The following CCDC192 variants were observed in gnomAD, a reference collection of about 807,000 sequenced individuals.
CCDC192 encodes coiled-coil domain containing 192.
chr5:127,827,662 C>A (rs928032743), intron 5 of CCDC192, among the ~76,000 whole-genome samples: 3 of 152,162 alleles, frequency 2.0e-5, no homozygotes, highest in African/African-American at 7.2e-5. Context: ...CAGCAGTTCT[C>A]CCCTGCCCAG....
At chr5:127,779,253 T>C (rs1756048946) in intron 3 of CCDC192, among the ~76,000 whole-genome samples, 1 of 152,170 alleles carries the variant, frequency 6.6e-6, no homozygotes, top group Non-Finnish European at 1.5e-5. Context: ...ATAGATACAT[T>C]TTATATGTGC....
intron 6 of CCDC192, among the ~76,000 whole-genome samples, chr5:127,882,540 G>A (rs920355453): frequency 3.3e-5 from 5 of 152,092 alleles, no homozygotes; most frequent in Admixed American, 1.3e-4. Context: ...ATAGTTGCAC[G>A]GTATTTTTAA....
chr5:127,770,681 G>A (rs183326572), intron 3 of CCDC192, among the ~76,000 whole-genome samples: 8 of 152,128 alleles, frequency 5.3e-5, no homozygotes, highest in African/African-American at 7.2e-5. Flanking sequence ...ATCCAGGAGC[G>A]AATGCACATA....
intron 6 of CCDC192, among the ~76,000 whole-genome samples, chr5:127,892,948 A>G (rs1171351802): frequency 1.3e-5 from 2 of 152,214 alleles, no homozygotes; most frequent in African/African-American, 4.8e-5. Flanking sequence ...GCAAGAGACA[A>G]GATTAATATT....
chr5:127,934,897 C>G, intron 6 of CCDC192, among the ~76,000 whole-genome samples: 1 of 152,090 alleles, frequency 6.6e-6, no homozygotes, highest in South Asian at 2.1e-4. Flanking sequence ...CAAAACCAGC[C>G]CCATAGTGAG....
At chr5:127,747,376 G>A (rs1350497359) in intron 2 of CCDC192, among the ~76,000 whole-genome samples, 3 of 151,862 alleles carry the variant, frequency 2.0e-5, no homozygotes. Flanking sequence ...TTGTCCTTGT[G>A]ATAGTTTACT....
At chr5:127,902,355 T>G (rs1753060248) in intron 6 of CCDC192, among the ~76,000 whole-genome samples, 1 of 149,918 alleles carries the variant, frequency 6.7e-6, no homozygotes, top group Admixed American at 6.7e-5. Flanking sequence ...CTATAAAAGT[T>G]TTTTTTTTTT....
intron 2 of CCDC192, among the ~76,000 whole-genome samples, chr5:127,747,272 A>G (rs1027498741): frequency 6.6e-6 from 1 of 151,648 alleles, no homozygotes; most frequent in Non-Finnish European, 1.5e-5. Flanking sequence ...CCACCCCGCA[A>G]CAGTCCCCAG....
chr5:127,915,519 C>T (rs1294046380), intron 6 of CCDC192, among the ~76,000 whole-genome samples: 2 of 152,162 alleles, frequency 1.3e-5, no homozygotes, highest in Admixed American at 6.5e-5. Flanking sequence ...GTAGCTGGGA[C>T]TACAGGCACG....
At position 127,906,480 on chromosome 5, in the gene CCDC192, A is replaced by C. The variant is rs149924041; in HGVS notation, c.535+30819A>C. ...TGTTGTGAATAATATTGTTATGAGC[A>C]CAGGTGTACAAACATCTATTTGAGG... On this transcript the variant is annotated intron_variant, in intron 6 of 6. Coordinates refer to ENST00000514853, the MANE Select transcript of CCDC192 (RefSeq NM_001317938.2). Among the ~76,000 whole-genome samples the C allele has an allele frequency of 5.0e-3, 761 of 152,304 alleles. 4 individuals carry two copies. Among genetic ancestry groups the C allele is most frequent in the Non-Finnish European group, 8.7e-3 (590 of 68,028 alleles).
At chr5:127,800,474 T>A (rs2126977460) in intron 5 of CCDC192, among the ~76,000 whole-genome samples, 1 of 149,614 alleles carries the variant, frequency 6.7e-6, no homozygotes, top group Middle Eastern at 3.6e-3. Flanking sequence ...GAGTTATCCA[T>A]GTACAAACAA....
chr5:127,766,431 CA>C (rs1218376924), intron 3 of CCDC192, among the ~76,000 whole-genome samples: 10 of 151,816 alleles, frequency 6.6e-5, no homozygotes, highest in Non-Finnish European at 1.3e-4. Flanking sequence ...GTAAACAAAA[CA>C]AAACAAAAAC....
At chr5:127,854,732 C>A (rs535439406) in intron 5 of CCDC192, among the ~76,000 whole-genome samples, 1 of 152,238 alleles carries the variant, frequency 6.6e-6, no homozygotes, top group African/African-American at 2.4e-5. Context: ...CATACCACCA[C>A]AGTAAAGTAA....
intron 2 of CCDC192, among the ~76,000 whole-genome samples, chr5:127,712,461 A>T (rs1170563184): frequency 6.6e-6 from 1 of 152,208 alleles, no homozygotes; most frequent in Non-Finnish European, 1.5e-5. Flanking sequence ...TCACCCTGTG[A>T]TATCTGCACA....
chr5:127,747,560 T>C (rs1249966264), intron 2 of CCDC192, among the ~76,000 whole-genome samples: 1 of 151,928 alleles, frequency 6.6e-6, no homozygotes, highest in Non-Finnish European at 1.5e-5. Context: ...AATGCCGCAA[T>C]AAACATACGT....
intron 6 of CCDC192, among the ~76,000 whole-genome samples, chr5:127,885,096 T>A (rs151859): frequency 6.6e-6 from 1 of 151,350 alleles, no homozygotes; most frequent in African/African-American, 2.4e-5. Flanking sequence ...TCCTTAGGAA[T>A]GGTACTTTTT....
intron 5 of CCDC192, among the ~76,000 whole-genome samples, chr5:127,864,943 T>G (rs887638412): frequency 6.6e-6 from 1 of 152,056 alleles, no homozygotes; most frequent in Non-Finnish European, 1.5e-5. Flanking sequence ...GTCAGGAGAT[T>G]GAGGCCATCC....
At chr5:127,883,884 C>T (rs1489873042) in intron 6 of CCDC192, among the ~76,000 whole-genome samples, 1 of 152,134 alleles carries the variant, frequency 6.6e-6, no homozygotes, top group Non-Finnish European at 1.5e-5. Flanking sequence ...GATGTATGAG[C>T]CGCTCAGGCT....
At chr5:127,780,808 G>C (rs1305748439) in intron 3 of CCDC192, among the ~76,000 whole-genome samples, 1 of 152,106 alleles carries the variant, frequency 6.6e-6, no homozygotes, top group Non-Finnish European at 1.5e-5. Context: ...CTTTTGCCAT[G>C]CAAAAGCTCT....
Sources: allele counts gnomAD v4.1 joint callset (sites outside exome capture counted in the v4.1 genomes callset), GRCh38; gene constraint gnomAD v4.1.1; transcripts MANE v1.5; gene names NCBI Gene and HGNC (gene_info 2026-07-23, HGNC 2026-07-21).